RASA1: variants seen among roughly 807,000 people sequenced by gnomAD.
The protein encoded by RASA1 is ras GTPase-activating protein 1.
A neutral mutation model predicts 132.2 loss-of-function variants in RASA1; 25 were observed. That is an observed-to-expected ratio of 0.19 (90% CI 0.14 to 0.26). The LOEUF is 0.26. RASA1 is among the 10% of genes least tolerant of loss of function. The probability of loss-of-function intolerance (pLI) is 1.00; values close to 1 mark genes in which losing one functional copy is unlikely to be tolerated. For missense variants in RASA1, 964 were observed against 1,299.2 expected (o/e 0.74, Z 3.97); for synonymous variants, 477 against 449.9 (o/e 1.06, Z -0.76).
intron 1 of RASA1, among the ~76,000 whole-genome samples, chr5:87,281,687 C>T (rs1754325784): frequency 6.6e-6 from 1 of 151,906 alleles, no homozygotes; most frequent in Non-Finnish European, 1.5e-5. Flanking sequence ...TTTAAGCGAT[C>T]CTCCTGTTTC....
intron 1 of RASA1, chr5:87,318,882 C>T (rs1162454281): frequency 6.6e-6 from 1 of 152,264 alleles, no homozygotes; most frequent in Non-Finnish European, 1.5e-5. Flanking sequence ...AAGGCAAGTC[C>T]ATTCCACCTA....
At chr5:87,286,768 G>C (rs766246934) in intron 1 of RASA1, among the ~76,000 whole-genome samples, 19 of 151,068 alleles carry the variant, frequency 1.3e-4, no homozygotes, top group Non-Finnish European at 2.8e-4. Context: ...AAAAGAAATA[G>C]ATTTTACACC....
intron 4 of RASA1, among the ~76,000 whole-genome samples, chr5:87,335,565 A>G (rs1220299659): frequency 6.6e-6 from 1 of 151,196 alleles, no homozygotes; most frequent in Non-Finnish European, 1.5e-5. Flanking sequence ...AGCTGGAACT[A>G]TGGGCGTCTG....
At chr5:87,298,676 A>G (rs189176357) in intron 1 of RASA1, among the ~76,000 whole-genome samples, 23 of 152,298 alleles carry the variant, frequency 1.5e-4, no homozygotes, top group Admixed American at 5.9e-4. Flanking sequence ...TTATAAATCA[A>G]TCATTGAGGT....
At chr5:87,358,945 C>A (rs1372965618) in intron 9 of RASA1, among the ~76,000 whole-genome samples, 1 of 124,652 alleles carries the variant, frequency 8.0e-6, no homozygotes, top group Non-Finnish European at 1.8e-5. Context: ...AGCAAATTAG[C>A]AAATGACACT....
At chr5:87,325,335 G>A (rs908791863) in intron 1 of RASA1, among the ~76,000 whole-genome samples, 1 of 152,124 alleles carries the variant, frequency 6.6e-6, no homozygotes, top group African/African-American at 2.4e-5. Context: ...ATGAGATTTG[G>A]GTGGAGACAC....
At chr5:87,322,002 T>C (rs1418963332) in intron 1 of RASA1, among the ~76,000 whole-genome samples, 2 of 152,154 alleles carry the variant, frequency 1.3e-5, no homozygotes, top group South Asian at 2.1e-4. Flanking sequence ...AAGGGTGATA[T>C]AGCTTGAATG....
Position 87,338,536 on chromosome 5 carries a change from A to ATATATATATATATATT in RASA1, c.1017+446_1017+447insATATATATATATATTT. The stretch of plus-strand genomic sequence containing the variant: ...ATATATATATATATATATATATAAA[A>ATATATATATATATATT]TTTTTTTTTTTTTTAAGTAGAAATG... On this transcript the variant is annotated intron_variant, in intron 5 of 24. Coordinates refer to ENST00000274376, the MANE Select transcript of RASA1 (RefSeq NM_002890.3). Among the ~76,000 whole-genome samples, 105 of 85,174 alleles carry ATATATATATATATATT rather than the reference A, an allele frequency of 1.2e-3. 7 individuals carry two copies. Among genetic ancestry groups the ATATATATATATATATT allele is most frequent in the East Asian group, 4.5e-3 (9 of 2,014 alleles). 55.9% of individuals were successfully genotyped at this position (85,174 alleles called of 152,430 possible).
intron 1 of RASA1, among the ~76,000 whole-genome samples, chr5:87,280,494 GT>G (rs1420180219): frequency 2.1e-5 from 3 of 145,828 alleles, no homozygotes; most frequent in Non-Finnish European, 4.6e-5. Flanking sequence ...TGTATTTTTA[GT>G]AGAGACAGGG....
chr5:87,298,544 C>T (rs1755220954), intron 1 of RASA1, among the ~76,000 whole-genome samples: 1 of 152,048 alleles, frequency 6.6e-6, no homozygotes, highest in South Asian at 2.1e-4. Context: ...TCGGAGGCTA[C>T]ATCCTTTCAG....
At chr5:87,341,163 C>CT in intron 5 of RASA1, 127 bp from the exon 6 acceptor site, 3 of 533,082 alleles carry the variant, frequency 5.6e-6, no homozygotes, top group South Asian at 9.7e-5. Flanking sequence ...ACAGAAACAT[C>CT]TTTTTTTATA....
At chr5:87,385,479 C>A in intron 22 of RASA1, 90 bp downstream of exon 22, 1 of 1,005,446 alleles carries the variant, frequency 9.9e-7, no homozygotes, top group Non-Finnish European at 1.5e-6. Flanking sequence ...AAATTTTTAG[C>A]AGTGAAATTT....
At chr5:87,333,493 G>A (rs1315613947) in intron 4 of RASA1, among the ~76,000 whole-genome samples, 156 bp downstream of exon 4, 1 of 152,138 alleles carries the variant, frequency 6.6e-6, no homozygotes, top group East Asian at 1.9e-4. Flanking sequence ...TGTATCTCTG[G>A]GTTGGCTTAT....
rs1166060778 is a variant in RASA1 at position 87,356,314 on chromosome 5, C to G, written c.1332+3079C>G. On this transcript the variant is annotated intron_variant, in intron 9 of 24. Coordinates refer to ENST00000274376, the MANE Select transcript of RASA1 (RefSeq NM_002890.3). ...ACCACTGCCCTAATCACTTAGCAGA[C>G]ATCAGTATCAAGGCAAGACCCTTCA... 3.3e-5 allele frequency among the ~76,000 whole-genome samples: 5 copies of G among 152,130 alleles called. No individual in the cohort carries two copies. The East Asian group carries it at 9.7e-4, about 29-fold the overall frequency.
intron 1 of RASA1, among the ~76,000 whole-genome samples, chr5:87,320,317 G>A (rs1422818818): frequency 6.6e-6 from 1 of 152,120 alleles, no homozygotes. Flanking sequence ...GCATTTTGAG[G>A]TATCTTTATA....
intron 1 of RASA1, among the ~76,000 whole-genome samples, chr5:87,292,367 CT>C (rs76957126): frequency 0.023 from 2,750 of 120,176 alleles, 49 homozygotes; most frequent in African/African-American, 0.063. Flanking sequence ...TGTTTACATT[CT>C]TTTTTTTTTT....
chr5:87,270,119 A>G (rs1215220425), intron 1 of RASA1, among the ~76,000 whole-genome samples: 1 of 151,328 alleles, frequency 6.6e-6, no homozygotes, highest in Non-Finnish European at 1.5e-5. Context: ...GCACGCGCCT[A>G]TAATCCTAGC....
chr5:87,352,331 T>TTA (rs543563999), intron 8 of RASA1, among the ~76,000 whole-genome samples: 29 of 151,114 alleles, frequency 1.9e-4, no homozygotes, highest in Non-Finnish European at 3.7e-4. Flanking sequence ...TATATTCTAA[T>TTA]TATATATATA....
chr5:87,366,246 A>C (rs1760503992), intron 11 of RASA1: 1 of 234,268 alleles, frequency 4.3e-6, no homozygotes, highest in South Asian at 4.9e-5. Flanking sequence ...TGATACTTAC[A>C]ACTGCAATTA....
Sources: allele counts gnomAD v4.1 joint callset (sites outside exome capture counted in the v4.1 genomes callset), GRCh38; gene constraint gnomAD v4.1.1; transcripts MANE v1.5; gene names NCBI Gene and HGNC (gene_info 2026-07-23, HGNC 2026-07-21).